BMP1: variants seen among roughly 807,000 people sequenced by gnomAD.
BMP1 encodes the protein bone morphogenetic protein 1.
Under a neutral mutation model 116.8 loss-of-function variants are expected in BMP1, and 63 were observed. The ratio of observed to expected loss-of-function variants is 0.54; its 90% CI spans 0.44 to 0.67. The LOEUF (loss-of-function observed/expected upper bound fraction) is 0.67. BMP1 is among the 30% of genes least tolerant of loss of function. The pLI is 0.00. For missense variants in BMP1, 1,183 were observed against 1,358.9 expected, an observed-to-expected ratio of 0.87 and a Z score of 2.04; for synonymous variants, 536 against 533.4, an observed-to-expected ratio of 1.00 and a Z score of -0.07.
intron 1 of BMP1, among the ~76,000 whole-genome samples, chr8:22,168,188 A>C (rs1252854173): frequency 6.6e-6 from 1 of 152,078 alleles, no homozygotes. Context: ...TCTGGGTGAG[A>C]CCAGGACGTT....
intron 8 of BMP1, among the ~76,000 whole-genome samples, chr8:22,191,009 C>T (rs1828916773): frequency 6.6e-6 from 1 of 152,152 alleles, no homozygotes; most frequent in Non-Finnish European, 1.5e-5. Context: ...GAAGTGGTTT[C>T]CCCCCGGAAG....
chr8:22,195,633 C>A, intron 13 of BMP1, 46 bp downstream of exon 13: 1 of 1,573,428 alleles, frequency 6.4e-7, no homozygotes, highest in South Asian at 1.2e-5. Context: ...TCCCTGGCAC[C>A]AGCCCACCTG....
chr8:22,181,880 G>A (rs773694087), intron 8 of BMP1, among the ~76,000 whole-genome samples: 4 of 152,102 alleles, frequency 2.6e-5, no homozygotes, highest in East Asian at 1.9e-4. Flanking sequence ...ATGTTACAAC[G>A]TCTCTTCTTC....
rs1563281090 is a variant in BMP1, at chr8:22,207,571, A to G, written c.2575+55A>G. 6 of 1,588,864 alleles carry G rather than the reference A, an allele frequency of 3.8e-6. No homozygotes were observed. In the East Asian group the frequency reaches 1.4e-4, roughly 36 times the overall value. On this transcript the variant is annotated intron_variant, in intron 18 of 19. Coordinates refer to ENST00000306385, the MANE Select transcript of BMP1 (RefSeq NM_006129.5). ...TGAGCCTGGTCTCCAAGACTGGGGT[A>G]GAGTCGGGGGTTTCAATGCGGGTAT...
chr8:22,167,899 T>C (rs1345436751), intron 1 of BMP1, among the ~76,000 whole-genome samples: 3 of 152,136 alleles, frequency 2.0e-5, no homozygotes, highest in Non-Finnish European at 4.4e-5. Context: ...CTCAGCTCTG[T>C]TCTCCACGTT....
At chr8:22,176,832 C>T (rs1828451837) in intron 4 of BMP1, 129 bp from the exon 5 acceptor site, 2 of 977,506 alleles carry the variant, frequency 2.0e-6, no homozygotes, top group Non-Finnish European at 3.0e-6. Flanking sequence ...AGCCTGGGCA[C>T]TCGGTGCTCA....
At position 22,192,310 on chromosome 8, in the gene BMP1, A is replaced by G. The variant is rs1297558645; in HGVS notation, c.1180+159A>G. The G allele has an allele frequency of 5.0e-6, 3 of 601,074 alleles. No homozygotes were observed. The African/African-American group carries it at 5.6e-5, about 11-fold the overall frequency. The allele number at this position is 601,074 out of a possible 1,614,324, so 37.2% of individuals were successfully genotyped here. ...GGCATCATTAGTCCCAGATAGCTGC[A>G]TTACTCACTTGCTGCGAGACTTCAG... On this transcript the variant is annotated intron_variant, in intron 9 of 19. Transcript: ENST00000306385.
chr8:22,183,591 A>AATTATTATTATTATTATTATTATT (rs10687529), intron 8 of BMP1, among the ~76,000 whole-genome samples: 2 of 146,986 alleles, frequency 1.4e-5, no homozygotes, highest in African/African-American at 5.1e-5. Context: ...GTATGTGTTA[A>AATTATTATTATTATTATTATTATT]ATTATTATTA....
intron 15 of BMP1, chr8:22,199,443 G>A (rs983590310): frequency 9.3e-6 from 11 of 1,178,244 alleles, no homozygotes; most frequent in Non-Finnish European, 1.2e-5. Flanking sequence ...CCACCCCCCT[G>A]CAACCTGCTC....
At position 22,205,214 on chromosome 8, in the gene BMP1, G is replaced by C. The variant is rs567572506; in HGVS notation, c.2234-1640G>C. Among the ~76,000 whole-genome samples, 444 of 152,264 alleles carry C rather than the reference G, an allele frequency of 2.9e-3. 2 individuals carry two copies. The highest frequency in any genetic ancestry group is 4.8e-3 in the Non-Finnish European group (327 of 68,008). On this transcript the variant is annotated intron_variant, in intron 16 of 19. Transcript: ENST00000306385. ...GAGCTGACACAGTGGCTTGAGGAGG[G>C]GGCTGGATGTTTGCAGCAGTTACTA...
chr8:22,203,331 G>A (rs1178585390), intron 16 of BMP1, among the ~76,000 whole-genome samples: 5 of 152,152 alleles, frequency 3.3e-5, no homozygotes, highest in African/African-American at 7.2e-5. Flanking sequence ...CAAGGCGATC[G>A]GATCACTTGA....
chr8:22,201,291 C>T, intron 15 of BMP1: 3 of 1,526,872 alleles, frequency 2.0e-6, no homozygotes, highest in Non-Finnish European at 2.6e-6. Flanking sequence ...ACCAACCCCC[C>T]ACCTCCACTC....
intron 9 of BMP1, among the ~76,000 whole-genome samples, chr8:22,193,586 C>G (rs1313719536): frequency 6.6e-6 from 1 of 152,218 alleles, no homozygotes; most frequent in Non-Finnish European, 1.5e-5. Context: ...GAGTTCGACA[C>G]CAGCCTGGCC....
chr8:22,177,330 C>G (rs776503075), intron 5 of BMP1, among the ~76,000 whole-genome samples, 191 bp downstream of exon 5: 1 of 152,204 alleles, frequency 6.6e-6, no homozygotes, highest in East Asian at 1.9e-4. Flanking sequence ...ATCAAGGACC[C>G]GCATCCATTG....
rs375380551 is a variant in BMP1 at position 22,194,061 on chromosome 8, G to T, written c.1184G>T (p.Arg395Leu). Residue 395 changes from arginine (R) to leucine (L), a missense_variant, in exon 10 of 20, where the codon CGC (arginine) becomes CTC (leucine). Coordinates refer to ENST00000306385, the MANE Select transcript of BMP1 (RefSeq NM_006129.5). The surrounding 1 kb of genome is among the most constrained non-coding windows in gnomAD (Gnocchi z 4.5). ...GFWRKAPLRGRFCGSKLPEPI... is the reference protein window; with the variant it reads ...GFWRKAPLRGLFCGSKLPEPI... ...TCCATCCACACTGTCTGTGCAGGCC[G>T]CTTCTGCGGGTCCAAACTCCCTGAG... 5.0e-6 allele frequency: 8 copies of T among 1,613,866 alleles called. No homozygotes were observed. Among genetic ancestry groups the T allele is most frequent in the African/African-American group, 1.3e-5 (1 of 75,038 alleles).
intron 1 of BMP1, among the ~76,000 whole-genome samples, chr8:22,167,279 G>T (rs1042707003): frequency 6.6e-6 from 1 of 152,150 alleles, no homozygotes; most frequent in African/African-American, 2.4e-5. Context: ...CTAGGACCCT[G>T]CCTTCAAGGA....
At chr8:22,193,282 C>T (rs987380064) in intron 9 of BMP1, among the ~76,000 whole-genome samples, 8 of 152,220 alleles carry the variant, frequency 5.3e-5, no homozygotes, top group African/African-American at 1.9e-4. Flanking sequence ...GGTCCTGGGG[C>T]ATCCCTTGCA....
rs1274496241 is a variant in BMP1, at chr8:22,206,980, TG to T, written c.2361+1del. On this transcript the variant is annotated frameshift_variant and splice_region_variant, in exon 17 of 20. Coordinates refer to ENST00000306385, the MANE Select transcript of BMP1 (RefSeq NM_006129.5). LOFTEE classifies it high-confidence loss of function. ...AGCACCCCCGGGCACCGGGTCAAGC[TG>T]GTAAGGGGTCCCCTCCCCACTCCTT... ...ISSTPGHRVK[L>X]TFMEMDIESQ... The T allele has an allele frequency of 6.2e-7, 1 of 1,614,084 alleles. No homozygotes were observed. The highest frequency in any genetic ancestry group is 2.2e-5 in the East Asian group (1 of 44,882).
At chr8:22,167,273 G>A (rs1008450721) in intron 1 of BMP1, among the ~76,000 whole-genome samples, 1 of 152,134 alleles carries the variant, frequency 6.6e-6, no homozygotes, top group African/African-American at 2.4e-5. Flanking sequence ...TACAAGCTAG[G>A]ACCCTGCCTT....
Sources: allele counts gnomAD v4.1 joint callset (sites outside exome capture counted in the v4.1 genomes callset), GRCh38; gene constraint gnomAD v4.1.1; non-coding constraint Gnocchi (gnomAD v3.1); transcripts MANE v1.5; gene names NCBI Gene and HGNC (gene_info 2026-07-23, HGNC 2026-07-21).